The following SGCD variants were observed in gnomAD, a reference collection of about 807,000 sequenced individuals.
SGCD encodes sarcoglycan delta, also known as delta-sarcoglycan.
Under a neutral mutation model 36.6 loss-of-function variants are expected in SGCD, and 18 were observed. The observed-to-expected ratio is 0.49, with a 90% CI of 0.34 to 0.73. SGCD has a LOEUF of 0.73. SGCD is among the 30% of genes least tolerant of loss of function. SGCD has a pLI of 0.01. For synonymous variants in SGCD, 133 were observed against 130.6 expected (o/e 1.02, Z -0.12); for missense variants, 387 against 346.7 (o/e 1.12, Z -0.92).
chr5:156,639,773 A>G (rs963757127), intron 6 of SGCD, among the ~76,000 whole-genome samples: 1 of 151,640 alleles, frequency 6.6e-6, no homozygotes, highest in Middle Eastern at 3.2e-3. Context: ...CTTGAAATAC[A>G]TACTTCTTTC....
chr5:156,755,840 A>AG (rs961896508), intron 7 of SGCD, among the ~76,000 whole-genome samples: 6 of 152,216 alleles, frequency 3.9e-5, no homozygotes, highest in South Asian at 2.1e-4. Flanking sequence ...GAGTCATTGT[A>AG]GGGGGGGACA....
At chr5:156,543,528 G>A (rs988341115) in intron 4 of SGCD, among the ~76,000 whole-genome samples, 2 of 152,172 alleles carry the variant, frequency 1.3e-5, no homozygotes, top group African/African-American at 4.8e-5. Flanking sequence ...AATCTACTTT[G>A]AGCATCTTTC....
chr5:156,344,106 G>A (rs73291215), intron 2 of SGCD, among the ~76,000 whole-genome samples: 3,229 of 152,272 alleles, frequency 0.021, 121 homozygotes, highest in African/African-American at 0.074. Flanking sequence ...GTGAACTGCT[G>A]GGGTTACCTT....
intron 3 of SGCD, among the ~76,000 whole-genome samples, chr5:156,392,417 T>G (rs1334497453): frequency 6.6e-6 from 1 of 152,170 alleles, no homozygotes; most frequent in Non-Finnish European, 1.5e-5. Context: ...GCTTCTTCAG[T>G]GTGCACTATT....
At chr5:156,523,668 C>G (rs1481290133) in intron 4 of SGCD, among the ~76,000 whole-genome samples, 1 of 151,916 alleles carries the variant, frequency 6.6e-6, no homozygotes, top group East Asian at 1.9e-4. Context: ...TATGAAGGAA[C>G]AAAAATATGG....
intron 3 of SGCD, among the ~76,000 whole-genome samples, chr5:156,285,174 G>C (rs1561600395): frequency 6.6e-6 from 1 of 152,218 alleles, no homozygotes; most frequent in East Asian, 1.9e-4. Context: ...AAATAAAAGA[G>C]GATACAAACA....
At position 155,980,096 on chromosome 5, in the gene SGCD, C is replaced by T. The variant is rs146485183; in HGVS notation, c.-282+109672C>T. 4.6e-5 allele frequency among the ~76,000 whole-genome samples: 7 copies of T among 152,168 alleles called. No homozygotes were observed. The East Asian group carries it at 1.4e-3, about 29-fold the overall frequency. On this transcript the variant is annotated intron_variant, in intron 1 of 9. Transcript: ENST00000517913. The stretch of plus-strand genomic sequence containing the variant: ...TAAGGAGAAATTAGCAGTCTGCATC[C>T]CCAAAGAGAGCCCTAACCAGAAGCC...
rs1013496826 is a variant in SGCD at position 156,124,993 on chromosome 5, A to G, written c.-44+974A>G. Among the ~76,000 whole-genome samples the G allele has an allele frequency of 3.3e-5, 5 of 152,280 alleles. No homozygotes were observed. The South Asian group carries it at 8.3e-4, about 25-fold the overall frequency. ...AGGGGCCAGGCTCATTCCCACACTT[A>G]GTAGAATTTAAGTCTCTGTGCTCAC... On this transcript the variant is annotated intron_variant, in intron 3 of 9. Transcript: ENST00000517913.
At chr5:156,132,091 C>G (rs535308649) in intron 3 of SGCD, among the ~76,000 whole-genome samples, 1 of 152,250 alleles carries the variant, frequency 6.6e-6, no homozygotes. Context: ...CTATGCACCT[C>G]CAAGTAATGT....
At chr5:155,764,586 A>T in the SGCD span, among the ~76,000 whole-genome samples, 2 of 152,204 alleles carry the variant, frequency 1.3e-5, no homozygotes, top group Non-Finnish European at 2.9e-5. Context: ...GTGCCAAGCC[A>T]AACTGCTGGA....
the SGCD span, among the ~76,000 whole-genome samples, chr5:155,740,614 A>G: frequency 2.6e-5 from 4 of 152,212 alleles, no homozygotes; most frequent in African/African-American, 7.2e-5. Flanking sequence ...TTCGTACAGT[A>G]TGGCTTGATG....
intron 1 of SGCD, among the ~76,000 whole-genome samples, chr5:156,012,520 T>G (rs1006821132): frequency 1.3e-5 from 2 of 152,230 alleles, no homozygotes; most frequent in South Asian, 4.1e-4. Context: ...TATCCTTATA[T>G]ATCCTTCAGG....
At chr5:155,866,687 C>A (rs571250204), upstream of SGCD, among the ~76,000 whole-genome samples, 3 of 152,300 alleles carry the variant, frequency 2.0e-5, no homozygotes, top group East Asian at 1.9e-4. Flanking sequence ...TACACTGGTT[C>A]TTCTTCATTC....
intron 3 of SGCD, among the ~76,000 whole-genome samples, chr5:156,401,683 G>A (rs1347661027): frequency 6.6e-6 from 1 of 152,078 alleles, no homozygotes; most frequent in East Asian, 1.9e-4. Context: ...CAAACCAAGT[G>A]GCCTCAACAT....
intron 3 of SGCD, among the ~76,000 whole-genome samples, chr5:156,365,544 G>T (rs1243682521): frequency 6.6e-6 from 1 of 152,128 alleles, no homozygotes; most frequent in Non-Finnish European, 1.5e-5. Flanking sequence ...TCTTCTTTCT[G>T]CATGGATGTT....
chr5:156,195,446 A>G (rs768682410), intron 3 of SGCD, among the ~76,000 whole-genome samples: 1 of 152,180 alleles, frequency 6.6e-6, no homozygotes, highest in Non-Finnish European at 1.5e-5. Context: ...TCTTACTCAG[A>G]AGTCAACTTT....
At chr5:155,966,580 G>A (rs1344294529) in intron 1 of SGCD, among the ~76,000 whole-genome samples, 1 of 152,098 alleles carries the variant, frequency 6.6e-6, no homozygotes. Context: ...TGAATCACCT[G>A]CCAGCATTTG....
rs1753777834 is a variant in SGCD, at chr5:156,446,936, G to T, written c.193-61665G>T. Among the ~76,000 whole-genome samples, 3 of 152,216 alleles carry T rather than the reference G, an allele frequency of 2.0e-5. No homozygotes were observed. The South Asian group carries it at 6.2e-4, about 32-fold the overall frequency. On this transcript the variant is annotated intron_variant, in intron 3 of 8. Transcript: ENST00000337851. ...CGGATACATTATGCAAATTTCCCAA[G>T]GTCATCCATCAAATAGTGGCAAACC...
intron 3 of SGCD, among the ~76,000 whole-genome samples, chr5:156,373,983 A>T (rs1770525986): frequency 6.6e-6 from 1 of 152,170 alleles, no homozygotes; most frequent in South Asian, 2.1e-4. Flanking sequence ...TGAGAAGAAG[A>T]GTAGAGAAAT....
Sources: allele counts gnomAD v4.1 joint callset (sites outside exome capture counted in the v4.1 genomes callset), GRCh38; gene constraint gnomAD v4.1.1; transcripts MANE v1.5; gene names NCBI Gene and HGNC (gene_info 2026-07-23, HGNC 2026-07-21).